Variants in MDN1 observed in about 807,000 individuals in gnomAD.
MDN1 encodes the protein midasin AAA ATPase 1, also known as midasin.
Under a neutral mutation model 669.2 loss-of-function variants are expected in MDN1, and 266 were observed. That is an observed-to-expected ratio of 0.40 (90% CI 0.36 to 0.44). The LOEUF is 0.44. Ranked by LOEUF, MDN1 falls within the 20% of genes least tolerant of loss-of-function variation. The pLI is 1.00. For missense variants in MDN1, 5,940 were observed against 6,754.0 expected, an observed-to-expected ratio of 0.88 and a Z score of 4.22; for synonymous variants, 2,385 against 2,457.1, an observed-to-expected ratio of 0.97 and a Z score of 0.87.
chr6:89,727,254 G>A (rs913741696), intron 37 of MDN1, among the ~76,000 whole-genome samples: 13 of 152,100 alleles, frequency 8.5e-5, no homozygotes, highest in Non-Finnish European at 1.8e-4. Flanking sequence ...CCTGTGACAC[G>A]TACATCACTC....
chr6:89,813,974 C>T (rs1768635032), intron 1 of MDN1, among the ~76,000 whole-genome samples: 1 of 150,942 alleles, frequency 6.6e-6, no homozygotes, highest in Non-Finnish European at 1.5e-5. Context: ...GCCTATAGTT[C>T]CAGCTACTGG....
intron 1 of MDN1, among the ~76,000 whole-genome samples, chr6:89,804,576 A>C (rs1371937138): frequency 6.6e-6 from 1 of 152,208 alleles, no homozygotes; most frequent in Non-Finnish European, 1.5e-5. Context: ...GTTAGTAGAC[A>C]AAACTTCCAA....
rs774299883 is a variant in MDN1, at chr6:89,712,100, A to G, written c.7587T>C (p.Asn2529=). ...AVKLLIERAT[N]QDWMLRVKWL... The stretch of plus-strand genomic sequence containing the variant: ...ATTTAACTCTGAGCATCCAATCCTG[A>G]TTGGTTGCTCTTTCTATGAGCAATT... Residue 2529 remains asparagine, a synonymous_variant, in exon 49 of 102, where the codon AAT becomes AAC. Transcript: ENST00000369393. 1.9e-6 allele frequency: 3 copies of G among 1,614,020 alleles called. No individual in the cohort carries two copies. Among genetic ancestry groups the G allele is most frequent in the South Asian group, 1.1e-5 (1 of 91,080 alleles).
intron 9 of MDN1, among the ~76,000 whole-genome samples, chr6:89,784,633 C>A (rs980483512): frequency 6.6e-6 from 1 of 152,144 alleles, no homozygotes; most frequent in Non-Finnish European, 1.5e-5. Flanking sequence ...ATGCCTAGAT[C>A]AAAATGTCCA....
At chr6:89,729,561 A>G (rs933128231) in intron 35 of MDN1, among the ~76,000 whole-genome samples, 2 of 152,170 alleles carry the variant, frequency 1.3e-5, no homozygotes, top group Admixed American at 6.5e-5. Context: ...GGCCACCAAA[A>G]CAATTCACAC....
intron 85 of MDN1, 80 bp downstream of exon 85, chr6:89,664,407 C>G: frequency 6.5e-7 from 1 of 1,541,062 alleles, no homozygotes. Context: ...ATATTGGGTT[C>G]CTTATTAGGA....
intron 45 of MDN1, 94 bp from the exon 46 acceptor site, chr6:89,714,845 G>A: frequency 1.0e-6 from 1 of 961,120 alleles, no homozygotes; most frequent in Non-Finnish European, 1.5e-6. Flanking sequence ...CAAATCCTAT[G>A]TGGCTCATTG....
intron 12 of MDN1, 47 bp from the exon 13 acceptor site, chr6:89,774,780 G>A: frequency 7.4e-7 from 1 of 1,342,416 alleles, no homozygotes; most frequent in Non-Finnish European, 1.1e-6. Context: ...CATGCTTTTG[G>A]AATATTTCCT....
intron 54 of MDN1, 26 bp from the exon 55 acceptor site, chr6:89,701,704 G>A (rs374102096): frequency 1.9e-6 from 3 of 1,603,048 alleles, no homozygotes; most frequent in South Asian, 2.3e-5. Context: ...AGGGCACAGG[G>A]GAAATAAGGA....
In MDN1 at chr6:89,650,156, G is replaced by A; in HGVS notation, c.16074C>T (p.Val5358=). 1 of 1,614,116 alleles carries A rather than the reference G, an allele frequency of 6.2e-7. No individual in the cohort carries two copies. The highest frequency in any genetic ancestry group is 8.5e-7 in the Non-Finnish European group (1 of 1,179,990). The change falls in exon 97 of 102, where the codon GTC becomes GTT. Residue 5358 remains valine (V), a synonymous_variant. Coordinates refer to ENST00000369393, the MANE Select transcript of MDN1 (RefSeq NM_014611.3). Reference sequence around the variant, plus strand: ...GAAATTGACTAGCAATGTATGGAATGACTTTCCGTATGTTTAGTCGTTTCC... The same window carrying A: ...GAAATTGACTAGCAATGTATGGAATAACTTTCCGTATGTTTAGTCGTTTCC... ...RTGKRLNIRK[V]IPYIASQFRK... is the part of the protein sequence containing the mutation.
At chr6:89,790,585 T>C (rs1401231268) in intron 5 of MDN1, among the ~76,000 whole-genome samples, 184 bp from the exon 6 acceptor site, 3 of 152,156 alleles carry the variant, frequency 2.0e-5, no homozygotes, top group Non-Finnish European at 4.4e-5. Flanking sequence ...CCCATGCCCA[T>C]AGTCTCAGCT....
chr6:89,740,161 C>T lies in MDN1; in HGVS notation c.4593+73G>A, dbSNP rs1009663342. ...ACATAAAATTCCAAATCCATTATTA[C>T]ATACTATATTTACGAGTACCAGTAA... On this transcript the variant is annotated intron_variant, in intron 32 of 101. Transcript: ENST00000369393. 19 of 1,505,666 alleles carry T rather than the reference C, an allele frequency of 1.3e-5. No homozygotes were observed. The African/African-American group carries it at 2.3e-4, about 18-fold the overall frequency. The allele number at this position is 1,505,666 out of a possible 1,614,324, so 93.3% of individuals were successfully genotyped here.
intron 9 of MDN1, 67 bp from the exon 10 acceptor site, chr6:89,781,659 A>C: frequency 7.3e-7 from 1 of 1,375,234 alleles, no homozygotes; most frequent in Non-Finnish European, 9.9e-7. Context: ...CACACAAACT[A>C]CTGCTGAAAC....
intron 17 of MDN1, 31 bp from the exon 18 acceptor site, chr6:89,758,991 T>G (rs115681941): frequency 1.2e-6 from 2 of 1,602,998 alleles, no homozygotes. Context: ...ATGTTAACAA[T>G]GTGTCAAATA....
chr6:89,680,640 T>C lies in MDN1; in HGVS notation c.12214A>G (p.Met4072Val). The C allele has an allele frequency of 6.2e-7, 1 of 1,614,134 alleles. No homozygotes were observed. The highest frequency in any genetic ancestry group is 8.5e-7 in the Non-Finnish European group (1 of 1,180,032). ...KRMRKMCLTF[M>V]KESPLPRLVE... The stretch of plus-strand genomic sequence containing the variant: ...AGGCGAGGCAGGGGGCTCTCCTTCA[T>C]GAACGTCAGGCACATCTTCCTCATG... Residue 4072 changes from methionine (M) to valine (V), a missense_variant, in exon 74 of 102, where the codon ATG becomes GTG. Around this residue, in one of 5 missense-constraint regions of MDN1, gnomAD observed 2,280 missense variants for 2,576.3 expected, o/e 0.88. Coordinates refer to ENST00000369393, the MANE Select transcript of MDN1 (RefSeq NM_014611.3).
intron 64 of MDN1, 98 bp downstream of exon 64, chr6:89,690,573 CAG>C: frequency 2.1e-6 from 3 of 1,428,494 alleles, no homozygotes; most frequent in Admixed American, 1.9e-5. Flanking sequence ...TACATACATA[CAG>C]AGAGAGAGAT....
chr6:89,792,242 G>C (rs184650994), intron 5 of MDN1, among the ~76,000 whole-genome samples: 1 of 152,136 alleles, frequency 6.6e-6, no homozygotes, highest in Non-Finnish European at 1.5e-5. Context: ...CCTTAAAGGG[G>C]TAGTAAGTTC....
intron 33 of MDN1, among the ~76,000 whole-genome samples, chr6:89,736,066 T>C (rs1170774143): frequency 2.0e-5 from 3 of 152,260 alleles, no homozygotes; most frequent in Non-Finnish European, 4.4e-5. Flanking sequence ...AAGCTTTGTC[T>C]AGTTTCCTGT....
chr6:89,722,777 G>A (rs1033153423), intron 40 of MDN1, among the ~76,000 whole-genome samples, 178 bp downstream of exon 40: 11 of 151,406 alleles, frequency 7.3e-5, no homozygotes, highest in African/African-American at 1.2e-4. Context: ...AACCTGGGAG[G>A]TGAAGCTGCA....
Sources: gnomAD v4.1 joint callset for allele counts (sites outside exome capture counted in the v4.1 genomes callset) on GRCh38, gnomAD v4.1.1 for gene constraint, gnomAD v4.1.1 regional missense constraint, MANE v1.5 for transcripts, NCBI Gene and HGNC (gene_info 2026-07-23, HGNC 2026-07-21) for gene names.